GSE1: variants seen among roughly 807,000 people sequenced by gnomAD.
GSE1 encodes genetic suppressor element 1.
Under a neutral mutation model 112.6 loss-of-function variants are expected in GSE1, and 32 were observed. That is an observed-to-expected ratio of 0.28 (90% CI 0.21 to 0.38). GSE1 has a LOEUF of 0.38. GSE1 is among the 10% of genes least tolerant of loss of function. The probability of loss-of-function intolerance (pLI) is 1.00; values close to 1 mark genes in which losing one functional copy is unlikely to be tolerated. For missense variants in GSE1, 2,348 were observed against 1,699.2 expected (o/e 1.38, Z -6.71); for synonymous variants, 1,115 against 735.6 (o/e 1.52, Z -8.35).
At chr16:85,265,950 C>T (rs975207623) in intron 1 of GSE1, among the ~76,000 whole-genome samples, 3 of 152,130 alleles carry the variant, frequency 2.0e-5, no homozygotes, top group East Asian at 1.9e-4. Context: ...TGGTTCTGCC[C>T]GAGAATGTTT....
intron 1 of GSE1, among the ~76,000 whole-genome samples, chr16:85,341,788 C>G (rs990473482): frequency 1.3e-5 from 2 of 151,884 alleles, no homozygotes; most frequent in African/African-American, 4.8e-5. Context: ...GTGTGAACCA[C>G]TTCACCTGGC....
intron 2 of GSE1, among the ~76,000 whole-genome samples, chr16:85,392,643 G>T (rs2047869009): frequency 6.6e-6 from 1 of 152,224 alleles, no homozygotes; most frequent in Admixed American, 6.5e-5. Context: ...TTCACTGGGA[G>T]TCCTATATTT....
At chr16:85,613,162 G>A, upstream of GSE1, 1 of 1,366,424 alleles carries the variant, frequency 7.3e-7, no homozygotes. Flanking sequence ...CTGAGGTCAG[G>A]GAGCCGGGAG....
chr16:85,437,360 T>G (rs2049273089), intron 2 of GSE1, among the ~76,000 whole-genome samples: 1 of 152,066 alleles, frequency 6.6e-6, no homozygotes, highest in Non-Finnish European at 1.5e-5. Flanking sequence ...CTGGAAGGCT[T>G]TTTTCCCTCT....
intron 2 of GSE1, among the ~76,000 whole-genome samples, chr16:85,527,464 A>G (rs1221732346): frequency 1.3e-5 from 2 of 152,284 alleles, no homozygotes; most frequent in African/African-American, 4.8e-5. Flanking sequence ...CCACATGCCC[A>G]GAGCTGGGGC....
intron 3 of GSE1, among the ~76,000 whole-genome samples, chr16:85,650,521 C>G (rs567666160): frequency 6.6e-6 from 1 of 152,222 alleles, no homozygotes; most frequent in East Asian, 1.9e-4. Context: ...GGGATTCCAG[C>G]GCCTTTTCCG....
At chr16:85,241,581 C>A (rs766519117) in intron 1 of GSE1, among the ~76,000 whole-genome samples, 9 of 151,984 alleles carry the variant, frequency 5.9e-5, no homozygotes, top group Non-Finnish European at 1.0e-4. Context: ...TGAATAAACT[C>A]TGTCAATTAC....
intron 2 of GSE1, among the ~76,000 whole-genome samples, chr16:85,442,441 G>GATGAATGGATGA (rs1555512304): frequency 6.7e-6 from 1 of 150,356 alleles, no homozygotes; most frequent in Non-Finnish European, 1.5e-5. Context: ...TGAATGAATG[G>GATGAATGGATGA]ATGAATGAAT....
intron 13 of GSE1, chr16:85,666,758 G>A (rs141782295): frequency 2.4e-4 from 51 of 215,574 alleles, no homozygotes; most frequent in South Asian, 1.3e-3. Flanking sequence ...ATGGCCGCCA[G>A]TCCTCAGGGT....
chr16:85,456,490 C>T (rs1004792437), intron 2 of GSE1, among the ~76,000 whole-genome samples: 1 of 152,014 alleles, frequency 6.6e-6, no homozygotes, highest in Non-Finnish European at 1.5e-5. Flanking sequence ...CACACTGCCA[C>T]GAAGTCCGGG....
At chr16:85,650,792 C>T (rs1035624741) in intron 3 of GSE1, among the ~76,000 whole-genome samples, 1 of 151,972 alleles carries the variant, frequency 6.6e-6, no homozygotes, top group Non-Finnish European at 1.5e-5. Context: ...GAGAGGATTC[C>T]CCTCCCACCC....
At chr16:85,635,835 G>A (rs1215758679) in intron 2 of GSE1, among the ~76,000 whole-genome samples, 1 of 152,226 alleles carries the variant, frequency 6.6e-6, no homozygotes, top group Non-Finnish European at 1.5e-5. Flanking sequence ...ACGTGGTCAG[G>A]AAAGGGCAGG....
At chr16:85,615,725 G>A (rs2151583270) in intron 1 of GSE1, among the ~76,000 whole-genome samples, 1 of 152,318 alleles carries the variant, frequency 6.6e-6, no homozygotes. Flanking sequence ...TTAGGATCTT[G>A]GAGTGTCAGA....
chr16:85,590,400 ATT>A (rs2046947354), intron 1 of GSE1, among the ~76,000 whole-genome samples: 1 of 143,572 alleles, frequency 7.0e-6, no homozygotes, highest in Admixed American at 6.9e-5. Flanking sequence ...CATGTGTGAC[ATT>A]GTGTGTGTGA....
intron 1 of GSE1, among the ~76,000 whole-genome samples, chr16:85,573,743 C>T (rs1211038039): frequency 6.6e-6 from 1 of 152,190 alleles, no homozygotes; most frequent in Non-Finnish European, 1.5e-5. Flanking sequence ...TGGTTTGTGC[C>T]AGTCTGGGCC....
At chr16:85,644,900 T>G (rs2050728575) in intron 2 of GSE1, among the ~76,000 whole-genome samples, 1 of 152,068 alleles carries the variant, frequency 6.6e-6, no homozygotes, top group Non-Finnish European at 1.5e-5. Flanking sequence ...TTTTTATTTT[T>G]TTTCCCCAAA....
Position 85,532,790 on chromosome 16 carries a change from G to A in GSE1, c.2465-101124G>A, listed in dbSNP as rs117745457. Among the ~76,000 whole-genome samples the A allele has an allele frequency of 7.4e-3, 1,131 of 152,316 alleles. 5 individuals carry two copies. Among genetic ancestry groups the A allele is most frequent in the Non-Finnish European group, 0.011 (755 of 68,020 alleles). ...TGCCACATGTGTATTTTGGAGTCACGCCTGTTCTTATATGTGAGGGTGTAG... is the reference window on the plus strand; with the variant it reads ...TGCCACATGTGTATTTTGGAGTCACACCTGTTCTTATATGTGAGGGTGTAG... On this transcript the variant is annotated intron_variant, in intron 2 of 2. Coordinates refer to the GSE1 transcript ENST00000637419.
Position 85,192,723 on chromosome 16 carries a change from G to A in GSE1, c.2283+20916G>A, listed in dbSNP as rs545991261. On this transcript the variant is annotated intron_variant, in intron 1 of 2. Transcript: ENST00000637419. ...CCAGCTTCAGCAAGTGGCAGAGGGC[G>A]TGAGATCAGGAGGGGGATATTCTCT... Among the ~76,000 whole-genome samples the A allele has an allele frequency of 8.5e-5, 13 of 152,364 alleles. 1 individual carries two copies. Among genetic ancestry groups the A allele is most frequent in the Admixed American group, 4.6e-4 (7 of 15,304 alleles).
intron 9 of GSE1, chr16:85,662,217 T>G (rs1598664184): frequency 6.1e-6 from 1 of 163,026 alleles, no homozygotes; most frequent in Non-Finnish European, 1.3e-5. Flanking sequence ...CGGGTCAGGG[T>G]AGGAGGTCAG....
Sources: allele counts gnomAD v4.1 joint callset (sites outside exome capture counted in the v4.1 genomes callset), GRCh38; gene constraint gnomAD v4.1.1; transcripts MANE v1.5; gene names NCBI Gene and HGNC (gene_info 2026-07-23, HGNC 2026-07-21).